The following TOX variants were observed in gnomAD, a reference collection of about 807,000 sequenced individuals.
The protein encoded by TOX is thymocyte selection associated high mobility group box, also known as thymocyte selection-associated high mobility group box protein TOX.
A neutral mutation model predicts 53.7 loss-of-function variants in TOX; 11 were observed. The observed-to-expected ratio is 0.20, with a 90% CI of 0.13 to 0.34. The LOEUF (loss-of-function observed/expected upper bound fraction) is 0.34. TOX is among the 10% of genes least tolerant of loss of function. TOX has a pLI of 1.00. For synonymous variants in TOX, 225 were observed against 245.3 expected, an observed-to-expected ratio of 0.92 and a Z score of 0.77; for missense variants, 570 against 664.6, an observed-to-expected ratio of 0.86 and a Z score of 1.56.
At chr8:58,868,809 A>C (rs1384462699) in intron 3 of TOX, among the ~76,000 whole-genome samples, 1 of 151,962 alleles carries the variant, frequency 6.6e-6, no homozygotes, top group East Asian at 1.9e-4. Flanking sequence ...ACAGAAGAAA[A>C]GAAATAATCA....
At chr8:59,096,818 A>C (rs1804718330) in intron 1 of TOX, among the ~76,000 whole-genome samples, 1 of 152,100 alleles carries the variant, frequency 6.6e-6, no homozygotes, top group Admixed American at 6.5e-5. Flanking sequence ...CTTTCTGTGA[A>C]AAAAATCTCC....
intron 1 of TOX, among the ~76,000 whole-genome samples, chr8:59,051,959 C>T (rs535850796): frequency 7.2e-5 from 11 of 152,176 alleles, no homozygotes; most frequent in Non-Finnish European, 1.3e-4. Flanking sequence ...TGTGTTTGCC[C>T]GAAGTTTTGA....
intron 1 of TOX, among the ~76,000 whole-genome samples, chr8:59,031,422 G>A (rs1216139422): frequency 2.6e-5 from 4 of 152,078 alleles, no homozygotes; most frequent in African/African-American, 7.2e-5. Context: ...TTAAGTATTT[G>A]GCCAATACTT....
intron 3 of TOX, among the ~76,000 whole-genome samples, chr8:58,855,498 T>C (rs1810899876): frequency 6.6e-6 from 1 of 152,178 alleles, no homozygotes; most frequent in Admixed American, 6.5e-5. Flanking sequence ...CTCTTGTGAG[T>C]TCTGTTGGGT....
chr8:58,977,972 C>T (rs1372516636), intron 1 of TOX, among the ~76,000 whole-genome samples: 16 of 152,074 alleles, frequency 1.1e-4, no homozygotes, highest in Admixed American at 3.3e-4. Flanking sequence ...TAGAAAATGG[C>T]GCTAAAAGAC....
At chr8:58,966,690 A>G (rs893206377) in intron 1 of TOX, among the ~76,000 whole-genome samples, 5 of 151,926 alleles carry the variant, frequency 3.3e-5, no homozygotes, top group African/African-American at 4.8e-5. Context: ...TGAAATTTTC[A>G]ATAATAATAA....
intron 1 of TOX, among the ~76,000 whole-genome samples, chr8:59,091,369 C>T (rs1372253283): frequency 1.3e-5 from 2 of 152,168 alleles, no homozygotes; most frequent in Non-Finnish European, 2.9e-5. Context: ...GCTCTATTCT[C>T]CTGGCTTCCA....
chr8:58,997,861 T>C (rs957976889), intron 1 of TOX, among the ~76,000 whole-genome samples: 7 of 152,072 alleles, frequency 4.6e-5, no homozygotes, highest in African/African-American at 1.7e-4. Flanking sequence ...GGCGCGATCT[T>C]GGCTCACTGC....
At chr8:59,090,689 C>A (rs1041353481) in intron 1 of TOX, among the ~76,000 whole-genome samples, 3 of 152,120 alleles carry the variant, frequency 2.0e-5, no homozygotes, top group African/African-American at 7.2e-5. Flanking sequence ...TTTTGGTTAG[C>A]TCCTTTCCCC....
intron 3 of TOX, among the ~76,000 whole-genome samples, chr8:58,880,326 G>A (rs183291420): frequency 6.6e-6 from 1 of 152,314 alleles, no homozygotes; most frequent in East Asian, 1.9e-4. Context: ...TTCCTAAAAT[G>A]TAAGATGGGA....
intron 3 of TOX, among the ~76,000 whole-genome samples, chr8:58,852,084 C>A (rs1810833898): frequency 6.6e-6 from 1 of 151,778 alleles, no homozygotes; most frequent in South Asian, 2.1e-4. Flanking sequence ...AGTCTTTCTA[C>A]ACTAGTGAAA....
rs1291787640 is a variant in TOX at position 58,815,258 on chromosome 8, G to T, written c.1392+80C>A. ...AAACACATATCCCCAATCCTGTCCT[G>T]GATAAACAGCTCCCCCCACCTCCAC... On this transcript the variant is annotated intron_variant, in intron 7 of 8. Coordinates refer to ENST00000361421, the MANE Select transcript of TOX (RefSeq NM_014729.3). 5.3e-6 allele frequency: 8 copies of T among 1,502,602 alleles called. No individual in the cohort carries two copies. The East Asian group carries it at 1.8e-4, about 34-fold the overall frequency. The allele number at this position is 1,502,602 out of a possible 1,614,324, so 93.1% of individuals were successfully genotyped here. A position where few individuals can be genotyped will look rare whatever the true frequency, so the allele number is the denominator to read the frequency against.
intron 1 of TOX, among the ~76,000 whole-genome samples, chr8:59,053,180 C>T (rs559834136): frequency 1.3e-5 from 2 of 152,308 alleles, no homozygotes; most frequent in South Asian, 4.1e-4. Flanking sequence ...TATGTACTCT[C>T]ACTGACTAAG....
At chr8:58,905,220 C>T (rs1344040130) in intron 3 of TOX, among the ~76,000 whole-genome samples, 3 of 152,188 alleles carry the variant, frequency 2.0e-5, no homozygotes, top group African/African-American at 4.8e-5. Flanking sequence ...TGTGAGCCAC[C>T]GTGCCTGGCC....
rs1362350695 is a variant in TOX, at chr8:59,118,914, G to A, written c.74C>T (p.Pro25Leu). 2 of 1,597,846 alleles carry A rather than the reference G, an allele frequency of 1.3e-6. No homozygotes were observed. Among genetic ancestry groups the A allele is most frequent in the Non-Finnish European group, 1.7e-6 (2 of 1,171,944 alleles). Reference protein sequence around the residue: ...APDAPCLGPSPCLDPYYCNKF... With the variant: ...APDAPCLGPSLCLDPYYCNKF... The stretch of plus-strand genomic sequence containing the variant: ...GTTGCAATAGTAGGGGTCCAGGCAG[G>A]GAGAAGGTCCCAGACAGGGAGCGTC... The change falls in exon 1 of 9, where the codon CCC (proline) becomes CTC (leucine). Residue 25 changes from proline (P) to leucine (L), a missense_variant. Coordinates refer to ENST00000361421, the MANE Select transcript of TOX (RefSeq NM_014729.3). The surrounding 1 kb of genome is among the most constrained non-coding windows in gnomAD (Gnocchi z 4.1).
chr8:59,016,230 T>C (rs1366690999), intron 1 of TOX, among the ~76,000 whole-genome samples: 3 of 152,168 alleles, frequency 2.0e-5, no homozygotes, highest in African/African-American at 7.2e-5. Flanking sequence ...ACTTATTCAA[T>C]TGCTACCAGT....
At chr8:59,089,553 G>C (rs752979687) in intron 1 of TOX, among the ~76,000 whole-genome samples, 45 of 152,246 alleles carry the variant, frequency 3.0e-4, no homozygotes, top group Middle Eastern at 3.4e-3. Context: ...GAGCCTCAGG[G>C]AAAAAACGCA....
chr8:58,933,122 A>T (rs573967800), intron 3 of TOX, among the ~76,000 whole-genome samples: 3 of 152,328 alleles, frequency 2.0e-5, no homozygotes, highest in Admixed American at 2.0e-4. Context: ...GTTCTAAACG[A>T]ATCCTTTCTT....
chr8:59,055,184 A>C (rs1803869064), intron 1 of TOX, among the ~76,000 whole-genome samples: 1 of 152,120 alleles, frequency 6.6e-6, no homozygotes, highest in African/African-American at 2.4e-5. Context: ...GCTTGCTGTG[A>C]TATCAAAGGG....
Sources: gnomAD v4.1 joint callset for allele counts (sites outside exome capture counted in the v4.1 genomes callset) on GRCh38, gnomAD v4.1.1 for gene constraint, Gnocchi (gnomAD v3.1) non-coding constraint, MANE v1.5 for transcripts, NCBI Gene and HGNC (gene_info 2026-07-23, HGNC 2026-07-21) for gene names.